The following PCDHGA3 variants were observed in gnomAD, a reference collection of about 807,000 sequenced individuals.
PCDHGA3 encodes the protein protocadherin gamma-A3.
A neutral mutation model predicts 58.5 loss-of-function variants in PCDHGA3; 40 were observed. The observed-to-expected ratio is 0.68, with a 90% CI of 0.53 to 0.89. The LOEUF is 0.89. Among genes scored for constraint, PCDHGA3 ranks in the 40% least tolerant of loss-of-function variants. The pLI, the probability that PCDHGA3 is intolerant of heterozygous loss-of-function variation, is 0.00. For missense variants in PCDHGA3, 1,223 were observed against 1,195.9 expected, an observed-to-expected ratio of 1.02 and a Z score of -0.33; for synonymous variants, 530 against 525.7, an observed-to-expected ratio of 1.01 and a Z score of -0.11.
At chr5:141,473,343 T>G (rs1309426537) in intron 1 of PCDHGA3, among the ~76,000 whole-genome samples, 1 of 152,218 alleles carries the variant, frequency 6.6e-6, no homozygotes, top group African/African-American at 2.4e-5. Context: ...TGCTAGACAG[T>G]GAGGATGCAA....
intron 1 of PCDHGA3, chr5:141,424,576 C>CA (rs2096829154): frequency 6.6e-6 from 1 of 152,132 alleles, no homozygotes; most frequent in African/African-American, 2.4e-5. Context: ...AACCTATTTT[C>CA]AAATGTGCTA....
intron 1 of PCDHGA3, chr5:141,427,300 A>G: frequency 2.2e-6 from 1 of 456,912 alleles, no homozygotes; most frequent in Non-Finnish European, 4.4e-6. Flanking sequence ...CTAGATGAGA[A>G]TGACAATGCC....
chr5:141,414,799 G>A, intron 1 of PCDHGA3: 1 of 1,614,214 alleles, frequency 6.2e-7, no homozygotes, highest in Non-Finnish European at 8.5e-7. Context: ...CAGCGACAGC[G>A]GGGATCCTCC....
chr5:141,454,796 ATTTTTT>A (rs61612330), intron 1 of PCDHGA3, among the ~76,000 whole-genome samples: 41 of 77,454 alleles, frequency 5.3e-4, no homozygotes, highest in African/African-American at 1.7e-3. Context: ...CATGGTTCTA[ATTTTTT>A]TTTTTTTTTT....
intron 1 of PCDHGA3, among the ~76,000 whole-genome samples, chr5:141,369,219 G>C (rs906791517): frequency 6.6e-6 from 1 of 152,126 alleles, no homozygotes; most frequent in African/African-American, 2.4e-5. Context: ...CCAAGGAAAA[G>C]TGGACAGGAA....
In PCDHGA3 at chr5:141,402,929, A is replaced by G. The variant is rs751760276; in HGVS notation, c.2424+56472A>G. 12 of 1,583,076 alleles carry G rather than the reference A, an allele frequency of 7.6e-6. No individual in the cohort carries two copies. In the South Asian group the frequency reaches 1.3e-4, roughly 17 times the overall value. On this transcript the variant is annotated intron_variant, in intron 1 of 3. Coordinates refer to ENST00000253812, the MANE Select transcript of PCDHGA3 (RefSeq NM_018916.4). ...AGCAGCGCGCACAGAGATCCTTTTG[A>G]GAAAATTCCAAAGCGAGGCAGCAAT...
chr5:141,347,012 CCTCTCTCTTTCCTCCTTCCTTCCTTCCT>C (rs1554073351), intron 1 of PCDHGA3, among the ~76,000 whole-genome samples: 6 of 150,868 alleles, frequency 4.0e-5, no homozygotes, highest in South Asian at 2.1e-4. Context: ...TTCCTTCCTT[CCTCTCTCTTTCCTCCTTCCTTCCTTCCT>C]CTCTCTCTTT....
At chr5:141,444,152 A>ATTTTT (rs747671382) in intron 1 of PCDHGA3, among the ~76,000 whole-genome samples, 10 of 33,898 alleles carry the variant, frequency 3.0e-4, no homozygotes, top group Middle Eastern at 0.019. Context: ...TGTGTACTGG[A>ATTTTT]TTTTTTTTTT....
At chr5:141,354,764 GA>G (rs1350368707) in intron 1 of PCDHGA3, among the ~76,000 whole-genome samples, 1 of 151,990 alleles carries the variant, frequency 6.6e-6, no homozygotes, top group South Asian at 2.1e-4. Context: ...CACATCTTAG[GA>G]AAAAAATCGT....
intron 1 of PCDHGA3, chr5:141,427,916 G>T: frequency 1.3e-6 from 2 of 1,578,854 alleles, no homozygotes; most frequent in East Asian, 2.2e-5. Flanking sequence ...GCGCCAACAT[G>T]AGCCGGCGCA....
chr5:141,413,207 C>CA lies in PCDHGA3; in HGVS notation c.2424+66753dup, dbSNP rs753988593. On this transcript the variant is annotated intron_variant, in intron 1 of 3. Transcript: ENST00000253812. The stretch of plus-strand genomic sequence containing the variant: ...GCTCAAAGGAATCGCTCAAAGGAAT[C>CA]AAAGGATTGCAGCGGGCTGGTCCTG... The CA allele has an allele frequency of 1.7e-5, 27 of 1,612,874 alleles. No homozygotes were observed. In the East Asian group the frequency reaches 6.0e-4, roughly 36 times the overall value.
intron 1 of PCDHGA3, chr5:141,351,947 C>T: frequency 2.5e-6 from 4 of 1,613,112 alleles, no homozygotes; most frequent in Non-Finnish European, 3.4e-6. Context: ...GTACCCCGCG[C>T]TGGGGCCTGA....
chr5:141,427,971 C>T (rs764145525), intron 1 of PCDHGA3: 1 of 1,593,512 alleles, frequency 6.3e-7, no homozygotes, highest in African/African-American at 1.3e-5. Flanking sequence ...GGTGCTGTAC[C>T]CCGCGCTGGG....
intron 1 of PCDHGA3, among the ~76,000 whole-genome samples, chr5:141,446,698 G>C (rs750413432): frequency 1.3e-5 from 2 of 152,070 alleles, no homozygotes; most frequent in African/African-American, 4.8e-5. Flanking sequence ...GGCTGGTCTC[G>C]AACTCTGATC....
chr5:141,357,326 C>A (rs751525269), intron 1 of PCDHGA3: 6 of 1,613,964 alleles, frequency 3.7e-6, no homozygotes, highest in East Asian at 4.5e-5. Flanking sequence ...GCTTTTGTCA[C>A]GGTGCTGCTA....
Position 141,364,517 on chromosome 5 carries a change from G to A in PCDHGA3, c.2424+18060G>A, listed in dbSNP as rs1264187226. Reference sequence around the variant, plus strand: ...GGAGCCCCAGGAGCTGGCGGAGCGCGGAGTCCGCATCGTCTCCAGAGGTAG... The same window carrying A: ...GGAGCCCCAGGAGCTGGCGGAGCGCAGAGTCCGCATCGTCTCCAGAGGTAG... On this transcript the variant is annotated intron_variant, in intron 1 of 3. Transcript: ENST00000253812. 10 of 1,613,912 alleles carry A rather than the reference G, an allele frequency of 6.2e-6. No homozygotes were observed. Among genetic ancestry groups the A allele is most frequent in the Non-Finnish European group, 7.6e-6 (9 of 1,179,914 alleles).
At chr5:141,357,034 A>G (rs1200830178) in intron 1 of PCDHGA3, 1 of 1,614,038 alleles carries the variant, frequency 6.2e-7, no homozygotes, top group Non-Finnish European at 8.5e-7. Flanking sequence ...ACTCAAGTCC[A>G]GCGAGCCGGG....
intron 1 of PCDHGA3, chr5:141,441,809 C>A: frequency 2.7e-6 from 1 of 373,176 alleles, no homozygotes; most frequent in East Asian, 9.0e-5. Context: ...GGGTGCTGTA[C>A]CCCAGCTCTG....
chr5:141,443,226 A>T (rs2098374954), intron 1 of PCDHGA3, among the ~76,000 whole-genome samples: 1 of 152,042 alleles, frequency 6.6e-6, no homozygotes, highest in Non-Finnish European at 1.5e-5. Flanking sequence ...CGCATCTATA[A>T]TCTTAGCACT....
Sources: gnomAD v4.1 joint callset for allele counts (sites outside exome capture counted in the v4.1 genomes callset) on GRCh38, gnomAD v4.1.1 for gene constraint, MANE v1.5 for transcripts, NCBI Gene and HGNC (gene_info 2026-07-23, HGNC 2026-07-21) for gene names.